The following MAP3K5 variants were observed in gnomAD, a reference collection of about 807,000 sequenced individuals.
MAP3K5 encodes mitogen-activated protein kinase kinase kinase 5.
A neutral mutation model predicts 158.7 loss-of-function variants in MAP3K5; 56 were observed. The ratio of observed to expected loss-of-function variants is 0.35; its 90% CI spans 0.28 to 0.44. The LOEUF (loss-of-function observed/expected upper bound fraction) is 0.44, where lower values mean the gene tolerates loss of function less well. MAP3K5 is among the 20% of genes least tolerant of loss of function. MAP3K5 has a pLI of 1.00. For missense variants in MAP3K5, 1,294 were observed against 1,674.8 expected (o/e 0.77, Z 3.97); for synonymous variants, 579 against 601.7 (o/e 0.96, Z 0.55).
chr6:136,580,750 T>A (rs1232962688), intron 24 of MAP3K5, among the ~76,000 whole-genome samples: 1 of 152,080 alleles, frequency 6.6e-6, no homozygotes, highest in Non-Finnish European at 1.5e-5. Flanking sequence ...TCTAAGAGAC[T>A]TTAAATAAAA....
At chr6:136,631,030 T>C (rs934597825) in intron 14 of MAP3K5, among the ~76,000 whole-genome samples, 2 of 150,156 alleles carry the variant, frequency 1.3e-5, no homozygotes, top group Non-Finnish European at 3.0e-5. Context: ...GCCCAAGAGA[T>C]AGAGGCTGCA....
intron 2 of MAP3K5, among the ~76,000 whole-genome samples, chr6:136,715,350 T>C (rs960484532): frequency 6.6e-6 from 1 of 152,232 alleles, no homozygotes; most frequent in African/African-American, 2.4e-5. Flanking sequence ...AGCAACCTTT[T>C]CCTTTTTTAA....
intron 1 of MAP3K5, among the ~76,000 whole-genome samples, chr6:136,758,514 C>T (rs1783604524): frequency 6.6e-6 from 1 of 152,234 alleles, no homozygotes; most frequent in Non-Finnish European, 1.5e-5. Context: ...AAGCCATGGG[C>T]CTTGCCCACC....
intron 1 of MAP3K5, among the ~76,000 whole-genome samples, chr6:136,750,322 C>T (rs149656669): frequency 0.024 from 3,664 of 152,306 alleles, 139 homozygotes; most frequent in African/African-American, 0.084. Flanking sequence ...AAGTGATCTG[C>T]CTGCCTCGGC....
At chr6:136,714,044 C>T (rs1306006232) in intron 2 of MAP3K5, among the ~76,000 whole-genome samples, 1 of 152,108 alleles carries the variant, frequency 6.6e-6, no homozygotes, top group East Asian at 1.9e-4. Context: ...AATCCTAAAC[C>T]TTTGAAAAAT....
At chr6:136,672,944 C>G (rs904482104) in intron 7 of MAP3K5, among the ~76,000 whole-genome samples, 10 of 146,258 alleles carry the variant, frequency 6.8e-5, no homozygotes, top group African/African-American at 2.6e-4. Flanking sequence ...GAGCCAAGAT[C>G]ACACCACTGC....
At chr6:136,665,421 A>G (rs987602496) in intron 8 of MAP3K5, among the ~76,000 whole-genome samples, 3 of 150,180 alleles carry the variant, frequency 2.0e-5, no homozygotes, top group Admixed American at 6.7e-5. Context: ...ATCTTGGCTC[A>G]TTGCAACTTC....
rs565358830 is a variant in MAP3K5, at chr6:136,789,730, A to C, written c.448+1980T>G. Among the ~76,000 whole-genome samples the C allele has an allele frequency of 3.4e-3, 420 of 124,306 alleles. 2 individuals carry two copies. Among genetic ancestry groups the C allele is most frequent in the African/African-American group, 0.013 (405 of 31,564 alleles). The allele number at this position is 124,306 out of a possible 152,430, so 81.5% of individuals were successfully genotyped here. A position where few individuals can be genotyped will look rare whatever the true frequency, so the allele number is the denominator to read the frequency against. Reference sequence around the variant, plus strand: ...AAGACAGAGTCTCATTCTGTCACCCAGTCTGGAGTGTGCAGTGGTACAATC... The same window carrying C: ...AAGACAGAGTCTCATTCTGTCACCCCGTCTGGAGTGTGCAGTGGTACAATC... On this transcript the variant is annotated intron_variant, in intron 1 of 29. Coordinates refer to ENST00000359015, the MANE Select transcript of MAP3K5 (RefSeq NM_005923.4).
chr6:136,599,368 G>A (rs867154603), intron 21 of MAP3K5, among the ~76,000 whole-genome samples: 5 of 152,236 alleles, frequency 3.3e-5, no homozygotes, highest in Middle Eastern at 3.4e-3. Flanking sequence ...CGGCGAAAGG[G>A]CAGTGGGAAC....
intron 1 of MAP3K5, among the ~76,000 whole-genome samples, chr6:136,726,291 ACAATATTGAG>A (rs1781962388): frequency 6.6e-6 from 1 of 152,228 alleles, no homozygotes; most frequent in Non-Finnish European, 1.5e-5. Flanking sequence ...TGACATCTTA[ACAATATTGAG>A]TCTTTCAATC....
chr6:136,561,007 A>G (rs189077192), intron 28 of MAP3K5, among the ~76,000 whole-genome samples: 1 of 146,728 alleles, frequency 6.8e-6, no homozygotes, highest in Non-Finnish European at 1.5e-5. Flanking sequence ...ATTAACATAC[A>G]AAGAATTAGA....
At position 136,611,472 on chromosome 6, in the gene MAP3K5, A is replaced by C; in HGVS notation, c.2416-85T>G. 4.3e-6 allele frequency: 3 copies of C among 695,696 alleles called. No individual in the cohort carries two copies. The Admixed American group carries it at 6.5e-5, about 15-fold the overall frequency. 43.1% of individuals were successfully genotyped at this position (695,696 alleles called of 1,614,324 possible). ...GACTTGGTAAGTCCAATTTAAAAAA[A>C]AAAAAGGTGTCCTTACAGCTACCAA... On this transcript the variant is annotated intron_variant, in intron 17 of 29. Coordinates refer to ENST00000359015, the MANE Select transcript of MAP3K5 (RefSeq NM_005923.4).
At chr6:136,681,477 T>A (rs996050333) in intron 7 of MAP3K5, among the ~76,000 whole-genome samples, 1 of 151,572 alleles carries the variant, frequency 6.6e-6, no homozygotes, top group Non-Finnish European at 1.5e-5. Context: ...CTAGAAAAAA[T>A]TTGAAAAATT....
chr6:136,617,192 T>A (rs983627112), intron 15 of MAP3K5, among the ~76,000 whole-genome samples: 1 of 152,194 alleles, frequency 6.6e-6, no homozygotes, highest in Non-Finnish European at 1.5e-5. Context: ...TAAGGACAAG[T>A]ACTCTTCTCC....
intron 2 of MAP3K5, among the ~76,000 whole-genome samples, chr6:136,713,714 C>A (rs1010825462): frequency 6.6e-6 from 1 of 152,224 alleles, no homozygotes; most frequent in South Asian, 2.1e-4. Context: ...AATAAAGGAA[C>A]AAGATTGTCT....
chr6:136,722,633 T>A (rs1457407855), intron 1 of MAP3K5, among the ~76,000 whole-genome samples: 2 of 151,674 alleles, frequency 1.3e-5, no homozygotes, highest in African/African-American at 4.8e-5. Context: ...GACACTCTTT[T>A]ATGCTGTGGG....
chr6:136,567,618 G>A lies in MAP3K5; in HGVS notation c.3761+13C>T. 6.2e-7 allele frequency: 1 copy of A among 1,610,872 alleles called. No homozygotes were observed. The highest frequency in any genetic ancestry group is 1.1e-5 in the South Asian group (1 of 90,782). On this transcript the variant is annotated intron_variant, in intron 26 of 29. Coordinates refer to ENST00000359015, the MANE Select transcript of MAP3K5 (RefSeq NM_005923.4). ...AAAGAAAAGAAACCAACCCACGTCA[G>A]TGTAGGACTTACCTATTGGTTTCTA...
chr6:136,570,484 A>G (rs1050283944), intron 25 of MAP3K5, among the ~76,000 whole-genome samples: 2 of 152,206 alleles, frequency 1.3e-5, no homozygotes, highest in African/African-American at 4.8e-5. Context: ...GTCCTGTAAC[A>G]TCTAGAACAT....
At chr6:136,614,373 C>T (rs1776471187) in intron 15 of MAP3K5, 87 bp from the exon 16 acceptor site, 1 of 1,449,238 alleles carries the variant, frequency 6.9e-7, no homozygotes, top group Admixed American at 1.9e-5. Context: ...AAATGTCAGC[C>T]AAATATATGT....
Sources: gnomAD v4.1 joint callset for allele counts (sites outside exome capture counted in the v4.1 genomes callset) on GRCh38, gnomAD v4.1.1 for gene constraint, MANE v1.5 for transcripts, NCBI Gene and HGNC (gene_info 2026-07-23, HGNC 2026-07-21) for gene names.